The following HSD17B12 variants were observed in gnomAD, a reference collection of about 807,000 sequenced individuals.
HSD17B12 encodes very-long-chain 3-oxoacyl-CoA reductase.
HSD17B12 carries 32 observed loss-of-function variants against 39.3 expected under a neutral mutation model. That is an observed-to-expected ratio of 0.81 (90% CI 0.61 to 1.09). The LOEUF (loss-of-function observed/expected upper bound fraction) is 1.09, where lower values mean the gene tolerates loss of function less well. Among genes scored for constraint, HSD17B12 ranks in the 50% least tolerant of loss-of-function variants. The pLI is 0.00. For missense variants in HSD17B12, 342 were observed against 382.9 expected, an observed-to-expected ratio of 0.89 and a Z score of 0.89; for synonymous variants, 150 against 146.7, an observed-to-expected ratio of 1.02 and a Z score of -0.16.
At chr11:43,693,283 A>G (rs1207854490) in intron 1 of HSD17B12, among the ~76,000 whole-genome samples, 2 of 152,186 alleles carry the variant, frequency 1.3e-5, no homozygotes, top group Non-Finnish European at 2.9e-5. Flanking sequence ...GAATTAGAGG[A>G]AAGTGGTGAG....
intron 1 of HSD17B12, among the ~76,000 whole-genome samples, chr11:43,742,328 A>G (rs1230197783): frequency 1.3e-5 from 2 of 149,714 alleles, no homozygotes; most frequent in Non-Finnish European, 3.0e-5. Flanking sequence ...TTTTTGTAGG[A>G]TTGGGGTCTC....
the HSD17B12 span, among the ~76,000 whole-genome samples, chr11:43,606,307 T>C: frequency 2.6e-5 from 4 of 152,248 alleles, no homozygotes; most frequent in African/African-American, 7.2e-5. Flanking sequence ...AGTGGAATCT[T>C]AACCTGGGAA....
the HSD17B12 span, among the ~76,000 whole-genome samples, chr11:43,632,579 A>C: frequency 4.0e-5 from 6 of 151,882 alleles, no homozygotes; most frequent in Non-Finnish European, 5.9e-5. Context: ...TGGTAAGGGG[A>C]GGTGGCCAAC....
chr11:43,635,247 C>A, the HSD17B12 span, among the ~76,000 whole-genome samples: 1 of 152,234 alleles, frequency 6.6e-6, no homozygotes, highest in Non-Finnish European at 1.5e-5. Flanking sequence ...AAATACCACA[C>A]ATAAATAATA....
the HSD17B12 span, among the ~76,000 whole-genome samples, chr11:43,649,948 A>C: frequency 2.0e-5 from 3 of 152,226 alleles, no homozygotes; most frequent in Admixed American, 6.5e-5. Context: ...GCACCAAGGA[A>C]GAGGCCAAAG....
At chr11:43,781,648 T>C (rs1219778895) in intron 3 of HSD17B12, among the ~76,000 whole-genome samples, 2 of 152,104 alleles carry the variant, frequency 1.3e-5, no homozygotes, top group Non-Finnish European at 2.9e-5. Flanking sequence ...CAAAAATAAA[T>C]ATATATACAT....
intron 3 of HSD17B12, among the ~76,000 whole-genome samples, chr11:43,779,565 T>C (rs1476535828): frequency 6.6e-6 from 1 of 152,218 alleles, no homozygotes; most frequent in Non-Finnish European, 1.5e-5. Flanking sequence ...TGCTGTCTAT[T>C]GTACTTTGTG....
intron 9 of HSD17B12, among the ~76,000 whole-genome samples, chr11:43,851,505 C>A (rs910884154): frequency 1.6e-4 from 24 of 152,068 alleles, no homozygotes; most frequent in African/African-American, 5.8e-4. Context: ...AAATCATTGG[C>A]AAGTAGCTAT....
chr11:43,676,664 T>C (rs1248413846), upstream of HSD17B12, among the ~76,000 whole-genome samples: 1 of 152,220 alleles, frequency 6.6e-6, no homozygotes, highest in African/African-American at 2.4e-5. Context: ...ATAATATTTG[T>C]TGAATGAATG....
chr11:43,690,514 A>G (rs1459756000), intron 1 of HSD17B12, among the ~76,000 whole-genome samples: 5 of 148,056 alleles, frequency 3.4e-5, no homozygotes, highest in Non-Finnish European at 5.9e-5. Flanking sequence ...TGCTGGGACT[A>G]TAGGCATGTG....
At chr11:43,718,649 A>G in intron 1 of HSD17B12, 1 of 692,464 alleles carries the variant, frequency 1.4e-6, no homozygotes, top group Non-Finnish European at 2.5e-6. Context: ...TGTATCAAAA[A>G]TATACCTTGA....
At chr11:43,747,176 A>G (rs1372582780) in intron 1 of HSD17B12, among the ~76,000 whole-genome samples, 1 of 152,240 alleles carries the variant, frequency 6.6e-6, no homozygotes, top group Non-Finnish European at 1.5e-5. Flanking sequence ...CCAAATGTCT[A>G]CTGAACACCT....
intron 1 of HSD17B12, among the ~76,000 whole-genome samples, chr11:43,730,364 CA>C (rs1950257726): frequency 6.6e-6 from 1 of 152,056 alleles, no homozygotes; most frequent in African/African-American, 2.4e-5. Flanking sequence ...ACTGAGTGTT[CA>C]TTTTGAAAAG....
chr11:43,755,096 G>GT (rs1950497461), intron 3 of HSD17B12: 1 of 386,550 alleles, frequency 2.6e-6, no homozygotes, highest in African/African-American at 2.1e-5. Context: ...GTCAATTTGT[G>GT]TTTGTTTCCA....
At chr11:43,788,317 TA>T (rs1015977786) in intron 3 of HSD17B12, among the ~76,000 whole-genome samples, 28 of 151,962 alleles carry the variant, frequency 1.8e-4, no homozygotes, top group Non-Finnish European at 3.2e-4. Flanking sequence ...TTCATATGAT[TA>T]AAAAAAATGC....
At chr11:43,637,374 C>T in the HSD17B12 span, among the ~76,000 whole-genome samples, 2 of 152,092 alleles carry the variant, frequency 1.3e-5, no homozygotes, top group African/African-American at 4.8e-5. Context: ...GCATGCACCA[C>T]CATGCCCAGC....
chr11:43,696,577 A>T (rs1317988053), intron 1 of HSD17B12, among the ~76,000 whole-genome samples: 1 of 152,240 alleles, frequency 6.6e-6, no homozygotes, highest in African/African-American at 2.4e-5. Context: ...GGGACTCTAA[A>T]TTAGTTCAAC....
rs923457022 is a variant in HSD17B12, at chr11:43,680,931, G to C, written c.104G>C (p.Arg35Pro). 8.1e-6 allele frequency: 13 copies of C among 1,612,740 alleles called. No individual in the cohort carries two copies. Among genetic ancestry groups the C allele is most frequent in the Non-Finnish European group, 1.1e-5 (13 of 1,179,082 alleles). ...TCGTACTCGCTCTTCACGGCCCTCC[G>C]GGTCTGGGGAGTGGGGAATGAGGCG... ...RISYSLFTAL[R>P]VWGVGNEAGV... Residue 35 changes from arginine (R) to proline (P), a missense_variant, in exon 1 of 11, where the codon CGG becomes CCG. Physicochemically the swap from Arg to Pro is moderately radical, Grantham distance 103. Transcript: ENST00000278353.
At chr11:43,823,263 T>G (rs1459990216) in intron 6 of HSD17B12, among the ~76,000 whole-genome samples, 2 of 151,868 alleles carry the variant, frequency 1.3e-5, no homozygotes, top group South Asian at 4.2e-4. Context: ...TTTCTTTCTT[T>G]CTTTTGTGTG....
Sources: gnomAD v4.1 joint callset for allele counts (sites outside exome capture counted in the v4.1 genomes callset) on GRCh38, gnomAD v4.1.1 for gene constraint, MANE v1.5 for transcripts, NCBI Gene and HGNC (gene_info 2026-07-23, HGNC 2026-07-21) for gene names.